The following NAALADL2 variants were observed in gnomAD, a reference collection of about 807,000 sequenced individuals.
NAALADL2 encodes the protein inactive N-acetylated-alpha-linked acidic dipeptidase-like protein 2.
Under a neutral mutation model 87.2 loss-of-function variants are expected in NAALADL2, and 76 were observed. The observed-to-expected ratio is 0.87, with a 90% CI of 0.72 to 1.05. The LOEUF (loss-of-function observed/expected upper bound fraction) is 1.05. Ranked by LOEUF, NAALADL2 falls within the 50% of genes least tolerant of loss-of-function variation. NAALADL2 has a pLI of 0.00. For missense variants in NAALADL2, 1,089 were observed against 945.8 expected, an observed-to-expected ratio of 1.15 and a Z score of -1.99; for synonymous variants, 354 against 331.0, an observed-to-expected ratio of 1.07 and a Z score of -0.75.
At chr3:175,036,861 C>T (rs1202077148) in intron 1 of NAALADL2, among the ~76,000 whole-genome samples, 1 of 132,720 alleles carries the variant, frequency 7.5e-6, no homozygotes, top group Non-Finnish European at 1.5e-5. Context: ...ACAACAACAA[C>T]AGCATAATAA....
chr3:175,429,118 A>C (rs1316170050), intron 5 of NAALADL2, among the ~76,000 whole-genome samples: 1 of 151,820 alleles, frequency 6.6e-6, no homozygotes, highest in Non-Finnish European at 1.5e-5. Context: ...GAATAAAAGT[A>C]TATATTAAAA....
At chr3:174,535,166 A>G (rs899594623) in intron 1 of NAALADL2, among the ~76,000 whole-genome samples, 7 of 152,214 alleles carry the variant, frequency 4.6e-5, no homozygotes, top group Non-Finnish European at 1.0e-4. Flanking sequence ...CTAGCAGGGC[A>G]GAATTTCCAA....
chr3:175,187,611 C>G (rs1737541437), intron 2 of NAALADL2, among the ~76,000 whole-genome samples: 1 of 152,038 alleles, frequency 6.6e-6, no homozygotes, highest in Non-Finnish European at 1.5e-5. Context: ...TATATAAAGA[C>G]TAAAAATGTT....
At chr3:174,764,179 T>C (rs1713467271) in intron 3 of NAALADL2, among the ~76,000 whole-genome samples, 1 of 152,228 alleles carries the variant, frequency 6.6e-6, no homozygotes, top group African/African-American at 2.4e-5. Context: ...TTCACTCACA[T>C]GCTGGGTGCT....
At chr3:174,689,383 A>AC (rs1333433535) in intron 2 of NAALADL2, among the ~76,000 whole-genome samples, 1 of 136,726 alleles carries the variant, frequency 7.3e-6, no homozygotes, top group East Asian at 2.2e-4. Flanking sequence ...ATCCCCCTCT[A>AC]CCCCCCGCTT....
intron 2 of NAALADL2, among the ~76,000 whole-genome samples, chr3:175,150,600 T>C (rs1354086112): frequency 6.6e-6 from 1 of 152,172 alleles, no homozygotes; most frequent in Non-Finnish European, 1.5e-5. Flanking sequence ...CCAGTTCGAA[T>C]AGCCTGCCTT....
At chr3:175,578,617 C>G (rs949107409) in intron 10 of NAALADL2, among the ~76,000 whole-genome samples, 15 of 152,070 alleles carry the variant, frequency 9.9e-5, no homozygotes, top group African/African-American at 2.7e-4. Flanking sequence ...AATTTAAAAG[C>G]TAGTAGCTTT....
chr3:174,567,581 T>A (rs944985169), intron 2 of NAALADL2, among the ~76,000 whole-genome samples: 1 of 151,640 alleles, frequency 6.6e-6, no homozygotes, highest in Non-Finnish European at 1.5e-5. Context: ...CAAAATGAGT[T>A]ACAAATTTTA....
chr3:174,501,862 A>G (rs973189994), intron 1 of NAALADL2, among the ~76,000 whole-genome samples: 1 of 151,954 alleles, frequency 6.6e-6, no homozygotes, highest in African/African-American at 2.4e-5. Context: ...TTTTGATATC[A>G]TTGAATTTTC....
At chr3:175,206,299 TATATATATATATAC>T in intron 2 of NAALADL2, among the ~76,000 whole-genome samples, 2 of 123,530 alleles carry the variant, frequency 1.6e-5, no homozygotes, top group Non-Finnish European at 3.2e-5. Context: ...TGTATGTGTA[TATATATATATATAC>T]ACATACATAC....
At chr3:175,294,649 A>G (rs2110170386) in intron 4 of NAALADL2, among the ~76,000 whole-genome samples, 1 of 152,362 alleles carries the variant, frequency 6.6e-6, no homozygotes, top group East Asian at 1.9e-4. Flanking sequence ...GTTTAAAATT[A>G]TCTGTAGTTT....
intron 6 of NAALADL2, among the ~76,000 whole-genome samples, chr3:175,454,288 A>C (rs1214731965): frequency 6.6e-6 from 1 of 151,922 alleles, no homozygotes; most frequent in African/African-American, 2.4e-5. Context: ...TTTGCCATTA[A>C]ATTTTTCTCT....
intron 2 of NAALADL2, among the ~76,000 whole-genome samples, chr3:174,702,435 G>T: frequency 6.6e-6 from 1 of 152,090 alleles, no homozygotes; most frequent in East Asian, 1.9e-4. Flanking sequence ...TGAAGAGTGA[G>T]ACTCTGTACC....
chr3:174,821,135 C>T (rs901434176), intron 3 of NAALADL2, among the ~76,000 whole-genome samples: 3 of 152,108 alleles, frequency 2.0e-5, no homozygotes, highest in African/African-American at 7.2e-5. Context: ...TGGGAATGAG[C>T]AGACTTAAAT....
intron 1 of NAALADL2, among the ~76,000 whole-genome samples, chr3:174,457,348 A>G (rs752351082): frequency 6.6e-6 from 1 of 152,190 alleles, no homozygotes; most frequent in Non-Finnish European, 1.5e-5. Context: ...CAACCCCATT[A>G]CTGTTTATGT....
chr3:175,745,911 T>C (rs1253691696), intron 12 of NAALADL2, among the ~76,000 whole-genome samples: 2 of 152,184 alleles, frequency 1.3e-5, no homozygotes, highest in Non-Finnish European at 2.9e-5. Flanking sequence ...ATATATGCTA[T>C]TTTTCTTCAT....
chr3:175,080,320 TTAACA>T (rs1717551789), intron 1 of NAALADL2, among the ~76,000 whole-genome samples: 2 of 152,250 alleles, frequency 1.3e-5, no homozygotes, highest in Admixed American at 1.3e-4. Flanking sequence ...GATATCTTAG[TTAACA>T]TAACTTATTT....
At chr3:175,426,919 T>C (rs945527947) in intron 5 of NAALADL2, among the ~76,000 whole-genome samples, 1 of 152,184 alleles carries the variant, frequency 6.6e-6, no homozygotes, top group African/African-American at 2.4e-5. Context: ...CACTTTGTGA[T>C]GACCGGAAAC....
At chr3:174,952,257 TTCAGCAC>T (rs1298548273) in intron 1 of NAALADL2, among the ~76,000 whole-genome samples, 3 of 152,196 alleles carry the variant, frequency 2.0e-5, no homozygotes, top group Non-Finnish European at 4.4e-5. Context: ...TATTTTAATC[TTCAGCAC>T]TCAGCACTTA....
Sources: gnomAD v4.1 joint callset for allele counts (sites outside exome capture counted in the v4.1 genomes callset) on GRCh38, gnomAD v4.1.1 for gene constraint, MANE v1.5 for transcripts, NCBI Gene and HGNC (gene_info 2026-07-23, HGNC 2026-07-21) for gene names.